Variants in DNAH9 observed in about 807,000 individuals in gnomAD.
The protein encoded by DNAH9 is DNAH9 variant protein.
DNAH9 carries 345 observed loss-of-function variants against 471.6 expected under a neutral mutation model. The observed-to-expected ratio is 0.73, with a 90% CI of 0.67 to 0.80. The LOEUF is 0.80. DNAH9 is among the 30% of genes least tolerant of loss of function. DNAH9 has a pLI of 0.00. For missense variants in DNAH9, 5,407 were observed against 5,609.2 expected (o/e 0.96, Z 1.15); for synonymous variants, 2,093 against 2,123.6 (o/e 0.99, Z 0.40).
At chr17:11,919,272 G>T (rs1440159134) in intron 61 of DNAH9, among the ~76,000 whole-genome samples, 1 of 151,986 alleles carries the variant, frequency 6.6e-6, no homozygotes, top group Non-Finnish European at 1.5e-5. Flanking sequence ...GAGGCGAGCA[G>T]ATCACAAGGT....
chr17:11,833,555 G>T (rs12602522), intron 48 of DNAH9, among the ~76,000 whole-genome samples: 49,682 of 152,054 alleles, frequency 0.33, 8,311 homozygotes, highest in East Asian at 0.44. Flanking sequence ...CTTTCTCTGG[G>T]TGGTCCACAG....
At chr17:11,640,240 C>G in intron 9 of DNAH9, 30 bp from the exon 10 acceptor site, 1 of 1,404,232 alleles carries the variant, frequency 7.1e-7, no homozygotes, top group South Asian at 1.2e-5. Context: ...GCTCTAGACT[C>G]ATTTCGGTCT....
rs1464688127 is a variant in DNAH9, at chr17:11,961,973, T to C, written c.12950T>C (p.Leu4317Pro). The change falls in exon 68 of 69, where the codon CTG becomes CCG. Residue 4317 changes from leucine to proline, a missense_variant. By Grantham distance (98) the Leu-to-Pro change is moderately conservative. Coordinates refer to ENST00000262442, the MANE Select transcript of DNAH9 (RefSeq NM_001372.4). ...CGAGCCTACCCTTCCACAGCAGGCCTGGCAGCCTGGTTTCCAGACCTCCTC... is the reference window on the plus strand; with the variant it reads ...CGAGCCTACCCTTCCACAGCAGGCCCGGCAGCCTGGTTTCCAGACCTCCTC... ...ARRAYPSTAG[L>P]AAWFPDLLNR... 4 of 1,614,206 alleles carry C rather than the reference T, an allele frequency of 2.5e-6. No individual in the cohort carries two copies. In the East Asian group the frequency reaches 8.9e-5, roughly 36 times the overall value.
At position 11,894,368 on chromosome 17, in the gene DNAH9, T is replaced by C. The variant is rs1973158688; in HGVS notation, c.11284-6T>C. The C allele has an allele frequency of 1.2e-6, 2 of 1,613,802 alleles. No individual in the cohort carries two copies. The highest frequency in any genetic ancestry group is 1.3e-5 in the African/African-American group (1 of 74,934). ...AGAAATGCAGTATCATTTCTCCACA[T>C]TGCAGATTCTCCTCATGAACCGAGA... On this transcript the variant is annotated splice_polypyrimidine_tract_variant and splice_region_variant and intron_variant, in intron 58 of 68. Transcript: ENST00000262442.
chr17:11,894,298 T>G, intron 58 of DNAH9, 76 bp from the exon 59 acceptor site: 1 of 1,576,684 alleles, frequency 6.3e-7, no homozygotes, highest in Non-Finnish European at 8.6e-7. Flanking sequence ...ATAATTATAC[T>G]GAGTGACAAC....
chr17:11,619,569 G>A lies in DNAH9; in HGVS notation c.1138G>A (p.Glu380Lys). The change falls in exon 6 of 69, where the codon GAA (glutamate) becomes AAA (lysine). Residue 380 changes from glutamate (E) to lysine (K), a missense_variant. Physicochemically the swap from Glu to Lys is moderately conservative, Grantham distance 56. This residue lies in a region of DNAH9 where 767 missense variants were observed against 692.5 expected (regional missense o/e 1.11). Transcript: ENST00000262442. ...IQQASNYLSP[E>K]DLLRSEVEES... is the part of the protein sequence containing the mutation. ...CCAGGCCTCTAATTATCTCAGCCCA[G>A]AAGACCTGCTGAGAAGTGAGGTAGA... 6.2e-7 allele frequency: 1 copy of A among 1,611,814 alleles called. No homozygotes were observed. Among genetic ancestry groups the A allele is most frequent in the Non-Finnish European group, 8.5e-7 (1 of 1,177,856 alleles).
intron 68 of DNAH9, among the ~76,000 whole-genome samples, chr17:11,963,085 G>T (rs1282847568): frequency 2.6e-5 from 4 of 152,118 alleles, no homozygotes; most frequent in Non-Finnish European, 5.9e-5. Flanking sequence ...AATTAGTTAT[G>T]ATGAGGTCAT....
intron 50 of DNAH9, among the ~76,000 whole-genome samples, chr17:11,857,186 T>C (rs1264686701): frequency 6.6e-6 from 1 of 152,248 alleles, no homozygotes; most frequent in African/African-American, 2.4e-5. Context: ...AAAATGTTTA[T>C]ACCTTTTCAG....
intron 61 of DNAH9, among the ~76,000 whole-genome samples, chr17:11,920,540 G>T: frequency 6.6e-6 from 1 of 150,390 alleles, no homozygotes; most frequent in Non-Finnish European, 1.5e-5. Context: ...AGAATTGCTT[G>T]AACCTAGGAG....
intron 35 of DNAH9, among the ~76,000 whole-genome samples, chr17:11,757,932 G>T (rs1471235375): frequency 1.3e-5 from 2 of 152,222 alleles, no homozygotes; most frequent in Non-Finnish European, 2.9e-5. Flanking sequence ...TCCCTTTCGT[G>T]AGTGCCACGT....
intron 43 of DNAH9, among the ~76,000 whole-genome samples, chr17:11,799,324 C>G (rs1034015444): frequency 6.6e-6 from 1 of 152,052 alleles, no homozygotes; most frequent in Non-Finnish European, 1.5e-5. Flanking sequence ...TATCTCTCCC[C>G]CTACCATGTC....
At chr17:11,708,111 G>A (rs889942171) in intron 26 of DNAH9, among the ~76,000 whole-genome samples, 8 of 150,952 alleles carry the variant, frequency 5.3e-5, no homozygotes, top group South Asian at 4.2e-4. Flanking sequence ...ATTCTGAAAT[G>A]GCCTGGCTTG....
chr17:11,819,959 T>A (rs1187002937), intron 45 of DNAH9, among the ~76,000 whole-genome samples: 1 of 152,158 alleles, frequency 6.6e-6, no homozygotes, highest in Non-Finnish European at 1.5e-5. Context: ...TTTGCACGGT[T>A]TGGGGCCTCC....
At chr17:11,792,254 A>G (rs2150907110) in intron 41 of DNAH9, among the ~76,000 whole-genome samples, 1 of 152,350 alleles carries the variant, frequency 6.6e-6, no homozygotes, top group East Asian at 1.9e-4. Context: ...AGCCTGGGCA[A>G]CAAGAGCGAA....
rs1028537577 is a variant in DNAH9 at position 11,937,830 on chromosome 17, C to A, written c.12660+308C>A. 2.0e-5 allele frequency among the ~76,000 whole-genome samples: 3 copies of A among 152,176 alleles called. No homozygotes were observed. The highest frequency in any genetic ancestry group is 7.2e-5 in the African/African-American group (3 of 41,430). On this transcript the variant is annotated intron_variant, in intron 66 of 68. Coordinates refer to ENST00000262442, the MANE Select transcript of DNAH9 (RefSeq NM_001372.4). The surrounding 1 kb of genome is among the most constrained non-coding windows in gnomAD (Gnocchi z 4.1). ...AAAGTGAAGAAAGGGCAGGGCTGAA[C>A]AGTGGTGGCTTGGGAACCTTGAATG... is the stretch of plus-strand genomic sequence containing the variant.
chr17:11,739,026 G>A lies in DNAH9; in HGVS notation c.5961G>A (p.Lys1987=), dbSNP rs61744691. The A allele has an allele frequency of 1.3e-4, 212 of 1,613,796 alleles. 1 individual carries two copies. The African/African-American group carries it at 2.6e-3, about 20-fold the overall frequency. ...AGRTELPENL[K]SLFRPCAMVV... ...GCACAGAGCTGCCAGAGAATCTCAA[G>A]TCTCTCTTCAGGTGAGTGTCAGTTC... Residue 1987 remains lysine, a synonymous_variant, in exon 29 of 69, where the codon AAG becomes AAA. Coordinates refer to ENST00000262442, the MANE Select transcript of DNAH9 (RefSeq NM_001372.4).
At position 11,784,448 on chromosome 17, in the gene DNAH9, C is replaced by G; in HGVS notation, c.7970C>G (p.Ala2657Gly). 6.2e-7 allele frequency: 1 copy of G among 1,614,224 alleles called. No individual in the cohort carries two copies. The highest frequency in any genetic ancestry group is 8.5e-7 in the Non-Finnish European group (1 of 1,180,042). The change falls in exon 41 of 69, where the codon GCC becomes GGC. Residue 2657 changes from alanine to glycine, a missense_variant. By Grantham distance (60) the Ala-to-Gly change is moderately conservative. Around this residue, in one of 3 missense-constraint regions of DNAH9, gnomAD observed 4,636 missense variants for 4,900.3 expected, o/e 0.95. Coordinates refer to ENST00000262442, the MANE Select transcript of DNAH9 (RefSeq NM_001372.4). ...SIPPLIDLAL[A>G]FHQKIATTFL... ...CCCCCACTGATCGATCTGGCCCTCG[C>G]CTTCCACCAGAAAATTGCTACCACC... is the stretch of plus-strand genomic sequence containing the variant.
chr17:11,953,816 T>G (rs1597871166), intron 67 of DNAH9: 1 of 145,216 alleles, frequency 6.9e-6, no homozygotes, highest in African/African-American at 2.6e-5. Flanking sequence ...ACAGAGACAA[T>G]GGAAGACAAA....
chr17:11,852,943 A>G (rs73980517), intron 49 of DNAH9, among the ~76,000 whole-genome samples: 2,724 of 147,890 alleles, frequency 0.018, 90 homozygotes, highest in African/African-American at 0.064. Context: ...TATTTCTCAT[A>G]TTTAATATAA....
Sources: gnomAD v4.1 joint callset for allele counts (sites outside exome capture counted in the v4.1 genomes callset) on GRCh38, gnomAD v4.1.1 for gene constraint, gnomAD v4.1.1 regional missense constraint, Gnocchi (gnomAD v3.1) non-coding constraint, MANE v1.5 for transcripts, NCBI Gene and HGNC (gene_info 2026-07-23, HGNC 2026-07-21) for gene names.